ELAPOR2: variants seen among roughly 807,000 people sequenced by gnomAD.
ELAPOR2 encodes the protein endosome/lysosome-associated apoptosis and autophagy regulator family member 2.
In ELAPOR2, 89 loss-of-function variants were observed where a neutral mutation model predicts 120.7. The observed-to-expected ratio is 0.74, with a 90% confidence interval of 0.62 to 0.88. The LOEUF (loss-of-function observed/expected upper bound fraction) is 0.88. ELAPOR2 is among the 40% of genes least tolerant of loss of function. The pLI, the probability that ELAPOR2 is intolerant of heterozygous loss-of-function variation, is 0.00. For synonymous variants in ELAPOR2, 444 were observed against 444.9 expected (o/e 1.00, Z 0.03); for missense variants, 1,134 against 1,251.6 (o/e 0.91, Z 1.42).
intron 1 of ELAPOR2, among the ~76,000 whole-genome samples, chr7:87,011,520 C>A (rs986686794): frequency 1.3e-5 from 2 of 152,144 alleles, no homozygotes; most frequent in Admixed American, 6.5e-5. Flanking sequence ...ATTTATAACT[C>A]TTTTTAATAC....
At chr7:87,006,740 G>T (rs983275143) in intron 1 of ELAPOR2, among the ~76,000 whole-genome samples, 5 of 152,046 alleles carry the variant, frequency 3.3e-5, no homozygotes, top group African/African-American at 9.7e-5. Flanking sequence ...CCACAAAGCA[G>T]ACTTGTACAA....
intron 19 of ELAPOR2, among the ~76,000 whole-genome samples, chr7:86,895,864 G>A (rs985088545): frequency 1.1e-4 from 17 of 152,024 alleles, no homozygotes; most frequent in African/African-American, 4.1e-4. Context: ...TATAAGATAA[G>A]CAGTTTATCA....
At chr7:86,889,899 G>T (rs1335536783) in intron 21 of ELAPOR2, among the ~76,000 whole-genome samples, 1 of 151,964 alleles carries the variant, frequency 6.6e-6, no homozygotes, top group African/African-American at 2.4e-5. Flanking sequence ...ATGGTTCATA[G>T]CATTTGTTCA....
intron 9 of ELAPOR2, among the ~76,000 whole-genome samples, 161 bp downstream of exon 9, chr7:86,926,575 T>C (rs1790075740): frequency 6.6e-6 from 1 of 152,004 alleles, no homozygotes; most frequent in African/African-American, 2.4e-5. Flanking sequence ...TCAAGCCATC[T>C]ATCTGCAACT....
intron 1 of ELAPOR2, among the ~76,000 whole-genome samples, chr7:87,005,323 T>C (rs1163581499): frequency 7.2e-6 from 1 of 139,604 alleles, no homozygotes; most frequent in East Asian, 2.0e-4. Flanking sequence ...AAAGTCTGTG[T>C]TTCCTCAATA....
intron 1 of ELAPOR2, among the ~76,000 whole-genome samples, chr7:87,026,122 A>C (rs1794235700): frequency 6.6e-6 from 1 of 152,140 alleles, no homozygotes; most frequent in Non-Finnish European, 1.5e-5. Context: ...ATGCCTTTCC[A>C]GAATAGCTGA....
intron 1 of ELAPOR2, among the ~76,000 whole-genome samples, chr7:87,014,050 T>C: frequency 6.6e-6 from 1 of 151,702 alleles, no homozygotes. Flanking sequence ...TTTTTTGCTT[T>C]ATGTTGCTTT....
At chr7:86,884,585 G>A (rs1300862050) in intron 21 of ELAPOR2, among the ~76,000 whole-genome samples, 2 of 152,070 alleles carry the variant, frequency 1.3e-5, no homozygotes, top group African/African-American at 4.8e-5. Context: ...TATACTCAGG[G>A]GCCCTGGAAC....
At chr7:86,963,791 C>T (rs1791804135) in intron 2 of ELAPOR2, among the ~76,000 whole-genome samples, 1 of 152,182 alleles carries the variant, frequency 6.6e-6, no homozygotes, top group African/African-American at 2.4e-5. Context: ...GTTTCACACA[C>T]TTGCATCAAC....
intron 1 of ELAPOR2, among the ~76,000 whole-genome samples, chr7:87,016,204 T>C (rs947109759): frequency 6.6e-6 from 1 of 152,194 alleles, no homozygotes; most frequent in Non-Finnish European, 1.5e-5. Flanking sequence ...TTTATGTGTA[T>C]AGGGATATTT....
chr7:86,941,323 A>T lies in ELAPOR2; in HGVS notation c.741+695T>A, dbSNP rs1311464971. On this transcript the variant is annotated intron_variant, in intron 5 of 21. Transcript: ENST00000450689. The stretch of plus-strand genomic sequence containing the variant: ...TCTCACTCCAAAGAGATGGTGCCTC[A>T]AATAATAACAGATTCACTGAATTGT... The T allele has an allele frequency of 5.6e-6, 3 of 531,776 alleles. No homozygotes were observed. In the African/African-American group the frequency reaches 5.8e-5, roughly 10 times the overall value. The allele number at this position is 531,776 out of a possible 1,614,324, so 32.9% of individuals were successfully genotyped here.
chr7:87,028,422 C>CT (rs1362316448), intron 1 of ELAPOR2, among the ~76,000 whole-genome samples: 6 of 152,170 alleles, frequency 3.9e-5, no homozygotes, highest in Non-Finnish European at 8.8e-5. Flanking sequence ...GGTTCTAACT[C>CT]TCCTGATGTG....
At chr7:87,025,751 T>G (rs1346255831) in intron 1 of ELAPOR2, among the ~76,000 whole-genome samples, 3 of 152,156 alleles carry the variant, frequency 2.0e-5, no homozygotes, top group Non-Finnish European at 4.4e-5. Flanking sequence ...CATTAAATAA[T>G]TTTACTAAAT....
At chr7:86,905,711 G>A (rs1391154853) in intron 18 of ELAPOR2, among the ~76,000 whole-genome samples, 1 of 151,922 alleles carries the variant, frequency 6.6e-6, no homozygotes, top group African/African-American at 2.4e-5. Flanking sequence ...GAATTGCCTT[G>A]TGGTTTTTAA....
At chr7:87,023,116 GT>G (rs1394553466) in intron 1 of ELAPOR2, among the ~76,000 whole-genome samples, 5 of 152,126 alleles carry the variant, frequency 3.3e-5, no homozygotes, top group Non-Finnish European at 2.9e-5. Context: ...TGCTTTTGGT[GT>G]TTTAGACATG....
At chr7:87,014,111 G>A (rs2116676982) in intron 1 of ELAPOR2, among the ~76,000 whole-genome samples, 1 of 145,226 alleles carries the variant, frequency 6.9e-6, no homozygotes, top group East Asian at 2.1e-4. Context: ...AGGCTTTGAT[G>A]TTCCTTACAG....
chr7:86,943,800 A>G (rs868406224), intron 4 of ELAPOR2, among the ~76,000 whole-genome samples: 3 of 152,048 alleles, frequency 2.0e-5, no homozygotes, highest in Non-Finnish European at 4.4e-5. Context: ...GTTAAACATA[A>G]ATCTGTTTGA....
At chr7:86,908,397 A>C (rs1415435776) in intron 17 of ELAPOR2, 50 bp downstream of exon 17, 3 of 929,076 alleles carry the variant, frequency 3.2e-6, no homozygotes, top group African/African-American at 3.4e-5. Context: ...CCATATATAT[A>C]AGTTTCTTTT....
intron 2 of ELAPOR2, among the ~76,000 whole-genome samples, chr7:86,963,456 C>G (rs1339636093): frequency 2.6e-5 from 4 of 152,104 alleles, no homozygotes; most frequent in Non-Finnish European, 5.9e-5. Flanking sequence ...TGCCAGTTTT[C>G]ATGGATACAA....
Sources: allele counts gnomAD v4.1 joint callset (sites outside exome capture counted in the v4.1 genomes callset), GRCh38; gene constraint gnomAD v4.1.1; transcripts MANE v1.5; gene names NCBI Gene and HGNC (gene_info 2026-07-23, HGNC 2026-07-21).